Variants in PPP3CA observed in about 807,000 individuals in gnomAD.
The protein encoded by PPP3CA is protein phosphatase 3 catalytic subunit alpha, also known as CAM-PRP catalytic subunit.
A neutral mutation model predicts 66.5 loss-of-function variants in PPP3CA; 14 were observed. That is an observed-to-expected ratio of 0.21 (90% confidence interval 0.14 to 0.33). The LOEUF (loss-of-function observed/expected upper bound fraction) is 0.33. PPP3CA is among the 10% of genes least tolerant of loss of function. PPP3CA has a pLI of 1.00. For synonymous variants in PPP3CA, 232 were observed against 226.2 expected, an observed-to-expected ratio of 1.03 and a Z score of -0.23; for missense variants, 317 against 639.5, an observed-to-expected ratio of 0.50 and a Z score of 5.44.
At chr4:101,141,476 C>T (rs891814982) in intron 2 of PPP3CA, among the ~76,000 whole-genome samples, 3 of 152,138 alleles carry the variant, frequency 2.0e-5, no homozygotes, top group Non-Finnish European at 4.4e-5. Context: ...AATTTTGCTT[C>T]GGCCACAGTG....
intron 1 of PPP3CA, among the ~76,000 whole-genome samples, chr4:101,328,857 C>T (rs1442869868): frequency 6.6e-6 from 1 of 152,094 alleles, no homozygotes; most frequent in Non-Finnish European, 1.5e-5. Context: ...TATAAGACAA[C>T]AAATTTAACA....
chr4:101,222,920 T>C (rs1242676332), intron 1 of PPP3CA, among the ~76,000 whole-genome samples: 1 of 151,818 alleles, frequency 6.6e-6, no homozygotes, highest in Non-Finnish European at 1.5e-5. Context: ...TCCATGCCAA[T>C]CATGCAGGTC....
In PPP3CA at chr4:101,024,734, T is replaced by C. The variant is rs1726547727; in HGVS notation, c.*1131A>G. ...CCATCTACATGTGCATTGACAAGCT[T>C]ATGTTAAAAACTTTAAAGAATACTC... On this transcript the variant is annotated 3_prime_UTR_variant, in exon 14 of 14. Coordinates refer to ENST00000394854, the MANE Select transcript of PPP3CA (RefSeq NM_000944.5). The C allele has an allele frequency of 6.6e-6, 1 of 152,626 alleles. No individual in the cohort carries two copies. Among genetic ancestry groups the C allele is most frequent in the Admixed American group, 6.5e-5 (1 of 15,282 alleles). 9.5% of individuals were successfully genotyped at this position (152,626 alleles called of 1,614,324 possible).
intron 2 of PPP3CA, among the ~76,000 whole-genome samples, chr4:101,180,134 G>C (rs773900471): frequency 9.2e-5 from 14 of 152,136 alleles, no homozygotes; most frequent in Non-Finnish European, 1.9e-4. Flanking sequence ...GGAAACTGGG[G>C]ACCTTCGAGG....
At chr4:101,136,248 A>G (rs1722616670) in intron 2 of PPP3CA, among the ~76,000 whole-genome samples, 1 of 152,156 alleles carries the variant, frequency 6.6e-6, no homozygotes, top group Non-Finnish European at 1.5e-5. Context: ...ACCAAATATC[A>G]TCTGTGCTAT....
chr4:101,323,376 T>C (rs951279966), intron 1 of PPP3CA, among the ~76,000 whole-genome samples: 2 of 152,246 alleles, frequency 1.3e-5, no homozygotes, highest in Non-Finnish European at 1.5e-5. Flanking sequence ...GCGACTCTTA[T>C]GGAAGGAATC....
chr4:101,332,661 G>A (rs866403497), intron 1 of PPP3CA, among the ~76,000 whole-genome samples: 50 of 152,258 alleles, frequency 3.3e-4, no homozygotes, highest in African/African-American at 8.4e-4. Context: ...ACATATATTG[G>A]GAACACTTTC....
At chr4:101,162,560 TAAATAAATAAAG>T (rs146617007) in intron 2 of PPP3CA, among the ~76,000 whole-genome samples, 43,466 of 150,958 alleles carry the variant, frequency 0.29, 7,180 homozygotes, top group African/African-American at 0.44. Flanking sequence ...AATAAATAAA[TAAATAAATAAAG>T]GGAAATGTAT....
At position 101,291,724 on chromosome 4, in the gene PPP3CA, T is replaced by G. The variant is rs201812387; in HGVS notation, c.58+55015A>C. Among the ~76,000 whole-genome samples, 6 of 152,080 alleles carry G rather than the reference T, an allele frequency of 3.9e-5. No individual in the cohort carries two copies. The East Asian group carries it at 1.2e-3, about 29-fold the overall frequency. On this transcript the variant is annotated intron_variant, in intron 1 of 13. Coordinates refer to ENST00000394854, the MANE Select transcript of PPP3CA (RefSeq NM_000944.5). ...ACACAGGCTGATTACTTGGACAGAG[T>G]GATATGCAGGAGACAATGAGTGTGT...
chr4:101,130,998 G>A (rs1384267678), intron 2 of PPP3CA, among the ~76,000 whole-genome samples: 1 of 152,058 alleles, frequency 6.6e-6, no homozygotes, highest in Non-Finnish European at 1.5e-5. Context: ...AGGCCGAGGT[G>A]GGCAGATCAC....
chr4:101,220,226 G>A (rs1379183223), intron 1 of PPP3CA, among the ~76,000 whole-genome samples: 1 of 150,838 alleles, frequency 6.6e-6, no homozygotes, highest in Non-Finnish European at 1.5e-5. Flanking sequence ...TTTGAGACAA[G>A]GTCAGGGAAC....
intron 10 of PPP3CA, among the ~76,000 whole-genome samples, chr4:101,059,493 T>A (rs1728367861): frequency 6.6e-6 from 1 of 152,158 alleles, no homozygotes; most frequent in Non-Finnish European, 1.5e-5. Context: ...TAAATTTACC[T>A]GAGTATATAG....
chr4:101,161,489 G>A (rs1384871116), intron 2 of PPP3CA, among the ~76,000 whole-genome samples: 4 of 152,042 alleles, frequency 2.6e-5, no homozygotes, highest in African/African-American at 9.7e-5. Flanking sequence ...GTTGTTATGG[G>A]AACATTTATC....
intron 2 of PPP3CA, among the ~76,000 whole-genome samples, chr4:101,132,714 A>G (rs1214016019): frequency 6.6e-6 from 1 of 152,238 alleles, no homozygotes; most frequent in Non-Finnish European, 1.5e-5. Context: ...ATTCCAAACA[A>G]GAGAAAAAGA....
intron 5 of PPP3CA, among the ~76,000 whole-genome samples, chr4:101,097,480 TATAA>T (rs1190678477): frequency 2.6e-5 from 4 of 152,112 alleles, no homozygotes; most frequent in African/African-American, 9.7e-5. Context: ...TAACATATGT[TATAA>T]ATATCAATGT....
chr4:101,223,218 G>C (rs887145126), intron 1 of PPP3CA, among the ~76,000 whole-genome samples: 1 of 151,670 alleles, frequency 6.6e-6, no homozygotes. Flanking sequence ...AGGTGAGAGA[G>C]GTAATTAACT....
chr4:101,250,757 G>T (rs1726648513), intron 1 of PPP3CA, among the ~76,000 whole-genome samples: 1 of 151,864 alleles, frequency 6.6e-6, no homozygotes. Context: ...CTTCCCTGAG[G>T]TTAAATTTTT....
chr4:101,233,505 AT>A (rs1726030401), intron 1 of PPP3CA, among the ~76,000 whole-genome samples: 1 of 151,798 alleles, frequency 6.6e-6, no homozygotes, highest in South Asian at 2.1e-4. Flanking sequence ...TTTTGTTCGC[AT>A]TTTTAAAGGA....
At chr4:101,283,614 C>T (rs1219157914) in intron 1 of PPP3CA, among the ~76,000 whole-genome samples, 3 of 152,186 alleles carry the variant, frequency 2.0e-5, no homozygotes, top group Non-Finnish European at 2.9e-5. Flanking sequence ...TGCTGCCTGG[C>T]TCCACTTCCT....
Sources: gnomAD v4.1 joint callset for allele counts (sites outside exome capture counted in the v4.1 genomes callset) on GRCh38, gnomAD v4.1.1 for gene constraint, MANE v1.5 for transcripts, NCBI Gene and HGNC (gene_info 2026-07-23, HGNC 2026-07-21) for gene names.